The following NUMB variants were observed in gnomAD, a reference collection of about 807,000 sequenced individuals.
NUMB encodes the protein NUMB endocytic adaptor protein.
Under a neutral mutation model 59.7 loss-of-function variants are expected in NUMB, and 29 were observed. The ratio of observed to expected loss-of-function variants is 0.49; its 90% CI spans 0.36 to 0.66. The LOEUF (loss-of-function observed/expected upper bound fraction) is 0.66, where lower values mean the gene tolerates loss of function less well. Ranked by LOEUF, NUMB falls within the 30% of genes least tolerant of loss-of-function variation. NUMB has a pLI of 0.00. For missense variants in NUMB, 723 were observed against 822.0 expected, an observed-to-expected ratio of 0.88 and a Z score of 1.47; for synonymous variants, 288 against 288.2, an observed-to-expected ratio of 1.00 and a Z score of 0.01.
In NUMB at chr14:73,355,723, C is replaced by T. The variant is rs767200173; in HGVS notation, c.29G>A (p.Arg10Lys). The T allele has an allele frequency of 2.5e-6, 4 of 1,613,076 alleles. No homozygotes were observed. In the South Asian group the frequency reaches 4.4e-5, roughly 18 times the overall value. Reference sequence around the variant, plus strand: ...CTCTGGAACATAAACATCCTTCTTTCTCCTAAAACTTTGCCGTAATTTGTT... The same window carrying T: ...CTCTGGAACATAAACATCCTTCTTTTTCCTAAAACTTTGCCGTAATTTGTT... MNKLRQSFR[R>K]KKDVYVPEAS... Residue 10 changes from arginine (R) to lysine (K), a missense_variant, in exon 4 of 13, where the codon AGA becomes AAA. Coordinates refer to ENST00000555238, the MANE Select transcript of NUMB (RefSeq NM_001005743.2).
At chr14:73,294,950 T>TTAAAAAA (rs1419411157) in intron 7 of NUMB, among the ~76,000 whole-genome samples, 1 of 24,386 alleles carries the variant, frequency 4.1e-5, no homozygotes, top group Non-Finnish European at 6.3e-5. Context: ...AACCCATCTC[T>TTAAAAAA]AAAAAAAAAA....
rs1893486838 is a variant in NUMB, at chr14:73,352,806, T to A, written c.126+2820A>T. The stretch of plus-strand genomic sequence containing the variant: ...ATCTGCCCGCCCTGGCCTCCCAAAG[T>A]GCTGGGATTACAGGCATGAGCCACC... On this transcript the variant is annotated intron_variant, in intron 4 of 12. Coordinates refer to ENST00000555238, the MANE Select transcript of NUMB (RefSeq NM_001005743.2). Among the ~76,000 whole-genome samples the A allele has an allele frequency of 2.7e-5, 4 of 149,036 alleles. No individual in the cohort carries two copies. The Admixed American group carries it at 2.7e-4, about 10-fold the overall frequency.
intron 4 of NUMB, among the ~76,000 whole-genome samples, chr14:73,328,090 T>A (rs1594909981): frequency 6.6e-6 from 1 of 152,028 alleles, no homozygotes; most frequent in Admixed American, 6.6e-5. Context: ...GCCTGGCCAA[T>A]ATGGTGAAAC....
intron 1 of NUMB, among the ~76,000 whole-genome samples, chr14:73,451,177 A>AAAC (rs1883937941): frequency 1.4e-5 from 2 of 147,064 alleles, no homozygotes; most frequent in African/African-American, 5.0e-5. Flanking sequence ...AAAAAAAACA[A>AAAC]AAAACAAATC....
intron 2 of NUMB, among the ~76,000 whole-genome samples, chr14:73,393,379 T>C (rs2140102154): frequency 6.6e-6 from 1 of 152,354 alleles, no homozygotes; most frequent in South Asian, 2.1e-4. Context: ...GCAGTAACTC[T>C]GACAACTAAT....
chr14:73,457,766 C>G (rs948886346), intron 1 of NUMB: 4 of 152,538 alleles, frequency 2.6e-5, no homozygotes, highest in Non-Finnish European at 5.9e-5. Context: ...GGTTCTTCCC[C>G]CAGGCGGTGC....
chr14:73,392,242 T>C (rs940937961), intron 2 of NUMB, among the ~76,000 whole-genome samples: 1 of 152,238 alleles, frequency 6.6e-6, no homozygotes, highest in African/African-American at 2.4e-5. Context: ...AAGGTCATTC[T>C]TGCCCCTAAA....
chr14:73,406,301 G>A lies in NUMB; in HGVS notation c.-101+3636C>T, dbSNP rs537095535. 2.4e-3 allele frequency among the ~76,000 whole-genome samples: 328 copies of A among 137,068 alleles called. 1 individual carries two copies. The highest frequency in any genetic ancestry group is 8.6e-3 in the African/African-American group (311 of 36,040). 89.9% of individuals were successfully genotyped at this position (137,068 alleles called of 152,430 possible). On this transcript the variant is annotated intron_variant, in intron 2 of 12. Coordinates refer to ENST00000555238, the MANE Select transcript of NUMB (RefSeq NM_001005743.2). ...GATGTTCCCCTTCCTGTGTCCAAGT[G>A]TTCTCATTGTTCAATTCCCACCTAT...
intron 1 of NUMB, among the ~76,000 whole-genome samples, chr14:73,428,322 CT>C (rs1420539449): frequency 6.6e-6 from 1 of 152,162 alleles, no homozygotes; most frequent in East Asian, 1.9e-4. Flanking sequence ...AAAAAGAACA[CT>C]TTATGAGGTC....
intron 7 of NUMB, among the ~76,000 whole-genome samples, chr14:73,294,496 T>G (rs1339656081): frequency 6.6e-6 from 1 of 152,134 alleles, no homozygotes; most frequent in Non-Finnish European, 1.5e-5. Context: ...CCTTTTTGGC[T>G]TACTCATTTC....
At chr14:73,351,492 TA>T in intron 4 of NUMB, among the ~76,000 whole-genome samples, 1 of 150,820 alleles carries the variant, frequency 6.6e-6, no homozygotes, top group Non-Finnish European at 1.5e-5. Context: ...GTCTCATAAA[TA>T]AATAAATTAA....
chr14:73,364,266 G>A (rs73309062), intron 3 of NUMB, among the ~76,000 whole-genome samples: 9,241 of 152,136 alleles, frequency 0.061, 718 homozygotes, highest in African/African-American at 0.17. Flanking sequence ...GAGGTGGGCG[G>A]ATAACTTGAG....
intron 2 of NUMB, among the ~76,000 whole-genome samples, chr14:73,389,002 G>A (rs567922869): frequency 6.6e-6 from 1 of 151,794 alleles, no homozygotes; most frequent in South Asian, 2.1e-4. Flanking sequence ...GAGAGGCTGC[G>A]GCAGAAGAAT....
At chr14:73,442,829 G>C (rs914090023) in intron 1 of NUMB, among the ~76,000 whole-genome samples, 16 of 152,118 alleles carry the variant, frequency 1.1e-4, no homozygotes, top group Non-Finnish European at 2.9e-5. Flanking sequence ...CTTAGCTGTA[G>C]TGTATACATA....
At chr14:73,338,725 G>T (rs1195632643) in intron 4 of NUMB, among the ~76,000 whole-genome samples, 4 of 152,186 alleles carry the variant, frequency 2.6e-5, no homozygotes, top group Non-Finnish European at 5.9e-5. Flanking sequence ...GGCATTTTTG[G>T]TAACAATGAC....
chr14:73,380,384 A>C (rs1895170797), intron 2 of NUMB, among the ~76,000 whole-genome samples: 2 of 152,198 alleles, frequency 1.3e-5, no homozygotes, highest in Non-Finnish European at 2.9e-5. Context: ...GAGCAGGTTG[A>C]AGGGAACAAA....
At chr14:73,362,301 T>A (rs1304910352) in intron 3 of NUMB, among the ~76,000 whole-genome samples, 3 of 152,048 alleles carry the variant, frequency 2.0e-5, no homozygotes, top group Non-Finnish European at 4.4e-5. Flanking sequence ...GTTCATTTAC[T>A]GTGAAATATC....
At chr14:73,330,490 T>C (rs1891905271) in intron 4 of NUMB, among the ~76,000 whole-genome samples, 1 of 152,222 alleles carries the variant, frequency 6.6e-6, no homozygotes, top group Non-Finnish European at 1.5e-5. Flanking sequence ...AATCCTTGAT[T>C]TGCAGCTTTC....
Position 73,353,595 on chromosome 14 carries a change from C to T in NUMB, c.126+2031G>A, listed in dbSNP as rs1012764660. ...GGCATGGTGGCTCAGGCCTGTAATC[C>T]CAGCTACTCGGGAGGCTGAGGCAGG... On this transcript the variant is annotated intron_variant, in intron 4 of 12. Transcript: ENST00000555238. 5.1e-4 allele frequency among the ~76,000 whole-genome samples: 77 copies of T among 150,868 alleles called. 14 individuals carry two copies. Among genetic ancestry groups the T allele is most frequent in the Non-Finnish European group, 8.4e-4 (57 of 67,820 alleles).
Sources: gnomAD v4.1 joint callset for allele counts (sites outside exome capture counted in the v4.1 genomes callset) on GRCh38, gnomAD v4.1.1 for gene constraint, MANE v1.5 for transcripts, NCBI Gene and HGNC (gene_info 2026-07-23, HGNC 2026-07-21) for gene names.